SRD5A2: variants seen among roughly 807,000 people sequenced by gnomAD.
SRD5A2 encodes the protein 3-oxo-5-alpha-steroid 4-dehydrogenase 2.
SRD5A2 carries 30 observed loss-of-function variants against 27.4 expected under a neutral mutation model. That is an observed-to-expected ratio of 1.10 (90% CI 0.82 to 1.49). The LOEUF (loss-of-function observed/expected upper bound fraction) is 1.49, where lower values mean the gene tolerates loss of function less well. Ranked by LOEUF, SRD5A2 falls within the 40% of genes most tolerant of loss-of-function variation. SRD5A2 has a pLI of 0.00. For missense variants in SRD5A2, 348 were observed against 323.4 expected (o/e 1.08, Z -0.58); for synonymous variants, 141 against 133.6 (o/e 1.06, Z -0.38).
chr2:31,611,583 T>C, the SRD5A2 span, among the ~76,000 whole-genome samples: 2 of 152,118 alleles, frequency 1.3e-5, no homozygotes, highest in African/African-American at 4.8e-5. Flanking sequence ...ACCAATTAAG[T>C]ATGAAAAGTG....
the SRD5A2 span, among the ~76,000 whole-genome samples, chr2:31,619,539 T>C: frequency 6.6e-6 from 1 of 152,158 alleles, no homozygotes; most frequent in South Asian, 2.1e-4. Flanking sequence ...ATGACTGAAC[T>C]AATTTACACT....
chr2:31,617,118 C>CATAAT, the SRD5A2 span, among the ~76,000 whole-genome samples: 15 of 152,170 alleles, frequency 9.9e-5, no homozygotes, highest in African/African-American at 3.6e-4. Flanking sequence ...GCTTCCCCAG[C>CATAAT]CACGAGGAAC....
the SRD5A2 span, among the ~76,000 whole-genome samples, chr2:31,591,258 C>T: frequency 1.3e-5 from 2 of 152,140 alleles, no homozygotes; most frequent in Non-Finnish European, 2.9e-5. Flanking sequence ...CCAATAACCC[C>T]ATCAAAAAGT....
At chr2:31,538,036 G>T (rs186758925) in intron 1 of SRD5A2, among the ~76,000 whole-genome samples, 1 of 152,072 alleles carries the variant, frequency 6.6e-6, no homozygotes, top group Non-Finnish European at 1.5e-5. Flanking sequence ...TTATAGCAGC[G>T]CAAAACAGAC....
intron 1 of SRD5A2, among the ~76,000 whole-genome samples, chr2:31,554,311 C>CTT (rs1388091717): frequency 6.6e-6 from 1 of 152,192 alleles, no homozygotes; most frequent in Non-Finnish European, 1.5e-5. Flanking sequence ...CTCACACATG[C>CTT]TTAATATGAA....
chr2:31,625,869 T>C, the SRD5A2 span, among the ~76,000 whole-genome samples: 19 of 152,236 alleles, frequency 1.2e-4, no homozygotes, highest in African/African-American at 3.8e-4. Flanking sequence ...CATACGAACT[T>C]TAAAGTAGTT....
At chr2:31,604,103 C>T in the SRD5A2 span, among the ~76,000 whole-genome samples, 32 of 151,724 alleles carry the variant, frequency 2.1e-4, no homozygotes, top group African/African-American at 7.5e-4. Flanking sequence ...TAAAATTGCT[C>T]AAAAACTGGG....
chr2:31,629,372 G>A, the SRD5A2 span, among the ~76,000 whole-genome samples: 12 of 152,138 alleles, frequency 7.9e-5, no homozygotes, highest in Admixed American at 2.6e-4. Context: ...AGGACCACCC[G>A]GTAACATTTT....
intron 1 of SRD5A2, among the ~76,000 whole-genome samples, chr2:31,549,056 G>C (rs914911133): frequency 1.3e-5 from 2 of 149,472 alleles, no homozygotes; most frequent in South Asian, 4.2e-4. Flanking sequence ...TAGAATGGTG[G>C]CTTCCAGGGG....
chr2:31,624,245 CTTT>C, the SRD5A2 span, among the ~76,000 whole-genome samples: 59 of 152,078 alleles, frequency 3.9e-4, no homozygotes, highest in Non-Finnish European at 7.5e-4. Context: ...CAATTATACT[CTTT>C]TAGTTACTTT....
At chr2:31,574,064 C>T (rs1452624800) in intron 1 of SRD5A2, among the ~76,000 whole-genome samples, 15 of 152,204 alleles carry the variant, frequency 9.9e-5, no homozygotes, top group Non-Finnish European at 2.1e-4. Flanking sequence ...CACTAGGGCC[C>T]TCTCAGATGA....
intron 1 of SRD5A2, among the ~76,000 whole-genome samples, chr2:31,564,467 G>A (rs966632066): frequency 6.6e-6 from 1 of 151,880 alleles, no homozygotes; most frequent in Admixed American, 6.6e-5. Context: ...CTCAGCAAAA[G>A]AAAGGAGAAG....
chr2:31,554,863 GCTTATT>G (rs1666460732), intron 1 of SRD5A2, among the ~76,000 whole-genome samples: 2 of 151,606 alleles, frequency 1.3e-5, no homozygotes, highest in South Asian at 4.2e-4. Context: ...GTTCATGTAG[GCTTATT>G]CTGTTTATGT....
At chr2:31,578,469 G>A (rs1667005491) in intron 1 of SRD5A2, among the ~76,000 whole-genome samples, 1 of 152,154 alleles carries the variant, frequency 6.6e-6, no homozygotes, top group South Asian at 2.1e-4. Flanking sequence ...AAATGGGCGT[G>A]CCTACCTAAA....
At chr2:31,532,140 C>T (rs776393060) in intron 2 of SRD5A2, among the ~76,000 whole-genome samples, 3 of 152,144 alleles carry the variant, frequency 2.0e-5, no homozygotes, top group Non-Finnish European at 2.9e-5. Flanking sequence ...AGGGGAGACA[C>T]AAAGTGCCTG....
At chr2:31,662,267 C>A in the SRD5A2 span, among the ~76,000 whole-genome samples, 1 of 152,112 alleles carries the variant, frequency 6.6e-6, no homozygotes, top group African/African-American at 2.4e-5. Flanking sequence ...GATCCCTCTT[C>A]TTGATCACTC....
the SRD5A2 span, among the ~76,000 whole-genome samples, chr2:31,624,049 T>C: frequency 6.6e-6 from 1 of 152,150 alleles, no homozygotes; most frequent in East Asian, 1.9e-4. Context: ...ATTAAGGATA[T>C]TGGCCTGAAA....
chr2:31,540,758 C>G (rs974129461), intron 1 of SRD5A2, among the ~76,000 whole-genome samples: 1 of 152,170 alleles, frequency 6.6e-6, no homozygotes, highest in African/African-American at 2.4e-5. Context: ...TAACAGCTAC[C>G]CATTTCCTAT....
chr2:31,625,049 A>G, the SRD5A2 span, among the ~76,000 whole-genome samples: 3 of 152,114 alleles, frequency 2.0e-5, no homozygotes, highest in Non-Finnish European at 2.9e-5. Context: ...AATGATTGCC[A>G]TTCTAACTGG....
Sources: allele counts gnomAD v4.1 joint callset (sites outside exome capture counted in the v4.1 genomes callset), GRCh38; gene constraint gnomAD v4.1.1; transcripts MANE v1.5; gene names NCBI Gene and HGNC (gene_info 2026-07-23, HGNC 2026-07-21).